The following RALGAPA2 variants were observed in gnomAD, a reference collection of about 807,000 sequenced individuals.
The protein encoded by RALGAPA2 is Ral GTPase activating protein catalytic subunit alpha 2.
In RALGAPA2, 139 loss-of-function variants were observed where a neutral mutation model predicts 230.4. That is an observed-to-expected ratio of 0.60 (90% CI 0.53 to 0.69). RALGAPA2 has a LOEUF of 0.69. Ranked by LOEUF, RALGAPA2 falls within the 30% of genes least tolerant of loss-of-function variation. RALGAPA2 has a pLI of 0.00. For synonymous variants in RALGAPA2, 847 were observed against 837.8 expected (o/e 1.01, Z -0.19); for missense variants, 2,163 against 2,276.0 (o/e 0.95, Z 1.01).
intron 24 of RALGAPA2, among the ~76,000 whole-genome samples, chr20:20,543,232 AGGC>A (rs2063696488): frequency 6.6e-6 from 1 of 151,962 alleles, no homozygotes; most frequent in Non-Finnish European, 1.5e-5. Flanking sequence ...TTTTTATTAG[AGGC>A]GGGGTTTCAC....
intron 27 of RALGAPA2, among the ~76,000 whole-genome samples, chr20:20,527,466 G>A (rs1392527488): frequency 6.6e-6 from 1 of 151,950 alleles, no homozygotes; most frequent in Non-Finnish European, 1.5e-5. Context: ...CTGCCCCATG[G>A]CCTTTGCACC....
chr20:20,708,470 C>G (rs1460625760), intron 1 of RALGAPA2, among the ~76,000 whole-genome samples: 1 of 152,188 alleles, frequency 6.6e-6, no homozygotes, highest in Non-Finnish European at 1.5e-5. Context: ...ATGAATCTCA[C>G]AAGATCTGAT....
chr20:20,607,489 A>C (rs1418309394), intron 14 of RALGAPA2, among the ~76,000 whole-genome samples: 1 of 152,184 alleles, frequency 6.6e-6, no homozygotes, highest in East Asian at 1.9e-4. Flanking sequence ...TCTTTATTAA[A>C]TATTTTATTA....
At chr20:20,403,522 G>GCCT (rs2059889431) in intron 38 of RALGAPA2, among the ~76,000 whole-genome samples, 2 of 152,104 alleles carry the variant, frequency 1.3e-5, no homozygotes, top group African/African-American at 4.8e-5. Context: ...TCCACTTCTG[G>GCCT]CCTCCTCCTT....
chr20:20,620,342 T>C, intron 11 of RALGAPA2, 121 bp downstream of exon 11: 1 of 1,004,418 alleles, frequency 1.0e-6, no homozygotes, highest in Non-Finnish European at 1.4e-6. Context: ...CTCAGAAGCA[T>C]CAGATGGGAT....
intron 1 of RALGAPA2, among the ~76,000 whole-genome samples, chr20:20,687,162 T>G (rs1248215035): frequency 1.3e-5 from 2 of 152,192 alleles, no homozygotes; most frequent in African/African-American, 4.8e-5. Context: ...AAGTGAAGAA[T>G]GTAAGGCAAA....
chr20:20,536,687 T>G lies in RALGAPA2; in HGVS notation c.3383A>C (p.Asn1128Thr). 6.2e-7 allele frequency: 1 copy of G among 1,613,100 alleles called. No individual in the cohort carries two copies. The change falls in exon 25 of 40, where the codon AAT becomes ACT. Residue 1128 changes from asparagine (N) to threonine (T), a missense_variant. Transcript: ENST00000202677. Reference sequence around the variant, plus strand: ...ATCTTCAGTTCCTGTAATGGCCTCATTTACTTCTGGCACTGACTGCAGTAA... The same window carrying G: ...ATCTTCAGTTCCTGTAATGGCCTCAGTTACTTCTGGCACTGACTGCAGTAA... ...IPLLQSVPEV[N>T]EAITGTEDVK...
At chr20:20,474,728 T>C (rs978823050) in intron 36 of RALGAPA2, among the ~76,000 whole-genome samples, 15 of 152,162 alleles carry the variant, frequency 9.9e-5, no homozygotes, top group African/African-American at 3.1e-4. Context: ...TGGAGAAGAC[T>C]GAGAGGGAGG....
intron 15 of RALGAPA2, among the ~76,000 whole-genome samples, chr20:20,604,183 C>A (rs988669604): frequency 4.6e-5 from 7 of 152,182 alleles, no homozygotes; most frequent in African/African-American, 1.7e-4. Flanking sequence ...TGTATTTGAT[C>A]TACTGTACTA....
At chr20:20,616,571 G>A (rs2066148184) in intron 12 of RALGAPA2, among the ~76,000 whole-genome samples, 1 of 152,160 alleles carries the variant, frequency 6.6e-6, no homozygotes, top group Non-Finnish European at 1.5e-5. Flanking sequence ...AAACTGTAGA[G>A]GGGGAATGGG....
At chr20:20,546,393 G>A (rs1259997054) in intron 24 of RALGAPA2, among the ~76,000 whole-genome samples, 1 of 152,166 alleles carries the variant, frequency 6.6e-6, no homozygotes, top group Non-Finnish European at 1.5e-5. Context: ...ATTTATGTCT[G>A]TGTCACCATT....
intron 3 of RALGAPA2, among the ~76,000 whole-genome samples, chr20:20,669,330 T>C (rs935723921): frequency 6.6e-6 from 1 of 152,208 alleles, no homozygotes; most frequent in Non-Finnish European, 1.5e-5. Flanking sequence ...ATTGTCTTAT[T>C]CTCTGTATTC....
chr20:20,458,851 T>TAGAC (rs1569418229), intron 37 of RALGAPA2, among the ~76,000 whole-genome samples: 4 of 133,408 alleles, frequency 3.0e-5, no homozygotes, highest in African/African-American at 8.9e-5. Context: ...TATATATATA[T>TAGAC]AGACCTATAT....
chr20:20,647,172 C>T (rs186564309), intron 4 of RALGAPA2, among the ~76,000 whole-genome samples: 1 of 152,138 alleles, frequency 6.6e-6, no homozygotes, highest in Admixed American at 6.5e-5. Context: ...TTTTTAAGGC[C>T]AGGAGATCAT....
chr20:20,586,003 A>G lies in RALGAPA2; in HGVS notation c.2440-1048T>C, dbSNP rs118134212. On this transcript the variant is annotated intron_variant, in intron 18 of 39. Coordinates refer to ENST00000202677, the MANE Select transcript of RALGAPA2 (RefSeq NM_020343.4). ...TTAGAAGATTTAGAGGATTAACACTATATGAAAAAACTATTACACAGCCTT... is the reference window on the plus strand; with the variant it reads ...TTAGAAGATTTAGAGGATTAACACTGTATGAAAAAACTATTACACAGCCTT... Among the ~76,000 whole-genome samples, 1,474 of 152,356 alleles carry G rather than the reference A, an allele frequency of 9.7e-3. 15 individuals carry two copies. The highest frequency in any genetic ancestry group is 0.033 in the South Asian group (161 of 4,830).
At chr20:20,592,862 G>A (rs1326859009) in intron 16 of RALGAPA2, among the ~76,000 whole-genome samples, 1 of 152,126 alleles carries the variant, frequency 6.6e-6, no homozygotes, top group Non-Finnish European at 1.5e-5. Context: ...GCATTTTATA[G>A]TGTGCTGATA....
intron 37 of RALGAPA2, among the ~76,000 whole-genome samples, chr20:20,444,877 T>C (rs1233259721): frequency 6.6e-6 from 1 of 152,250 alleles, no homozygotes; most frequent in Admixed American, 6.5e-5. Flanking sequence ...TGTTTTAAAC[T>C]GCACACTGTC....
At chr20:20,626,764 C>G (rs1568668209) in intron 10 of RALGAPA2, among the ~76,000 whole-genome samples, 1 of 152,214 alleles carries the variant, frequency 6.6e-6, no homozygotes. Flanking sequence ...AACCATCCAG[C>G]CTGCTGCCTA....
At chr20:20,464,306 T>G (rs897315899) in intron 37 of RALGAPA2, among the ~76,000 whole-genome samples, 1 of 152,220 alleles carries the variant, frequency 6.6e-6, no homozygotes, top group Non-Finnish European at 1.5e-5. Context: ...GCTCCCAGTC[T>G]CAGAGCCATG....
Sources: gnomAD v4.1 joint callset for allele counts (sites outside exome capture counted in the v4.1 genomes callset) on GRCh38, gnomAD v4.1.1 for gene constraint, MANE v1.5 for transcripts, NCBI Gene and HGNC (gene_info 2026-07-23, HGNC 2026-07-21) for gene names.